ACSF2: variants seen among roughly 807,000 people sequenced by gnomAD.
ACSF2 encodes the protein acyl-CoA synthetase family member 2.
In ACSF2, 52 loss-of-function variants were observed where a neutral mutation model predicts 79.3. The observed-to-expected ratio is 0.66, with a 90% CI of 0.53 to 0.83. The LOEUF (loss-of-function observed/expected upper bound fraction) is 0.83. ACSF2 is among the 40% of genes least tolerant of loss of function. The probability of loss-of-function intolerance (pLI) is 0.00; values close to 1 mark genes in which losing one functional copy is unlikely to be tolerated. For synonymous variants in ACSF2, 283 were observed against 312.6 expected (o/e 0.91, Z 1.00); for missense variants, 661 against 803.3 (o/e 0.82, Z 2.14).
At chr17:50,442,584 G>A (rs1567842612) in intron 1 of ACSF2, among the ~76,000 whole-genome samples, 1 of 151,976 alleles carries the variant, frequency 6.6e-6, no homozygotes, top group South Asian at 2.1e-4. Context: ...TCCTGCCTTA[G>A]CCTCCCAAGT....
chr17:50,465,959 C>G (rs2032682120), intron 10 of ACSF2: 1 of 1,459,738 alleles, frequency 6.9e-7, no homozygotes, highest in Admixed American at 1.7e-5. Flanking sequence ...GGATCCTTCC[C>G]TGAACCTGAG....
chr17:50,444,668 CTT>C (rs2031181736), intron 1 of ACSF2, among the ~76,000 whole-genome samples: 1 of 149,478 alleles, frequency 6.7e-6, no homozygotes. Context: ...CACACACACA[CTT>C]TTGCCACCAT....
intron 1 of ACSF2, among the ~76,000 whole-genome samples, chr17:50,439,437 A>C (rs890312808): frequency 1.3e-5 from 2 of 151,966 alleles, no homozygotes; most frequent in African/African-American, 4.8e-5. Flanking sequence ...TTCATACAGT[A>C]GTATGTGTGT....
At position 50,474,729 on chromosome 17, in the gene ACSF2, C is replaced by G. The variant is rs1385526954; in HGVS notation, c.*177C>G. 1.5e-6 allele frequency: 1 copy of G among 652,944 alleles called. No individual in the cohort carries two copies. The highest frequency in any genetic ancestry group is 2.6e-6 in the Non-Finnish European group (1 of 390,498). The allele number at this position is 652,944 out of a possible 1,614,324, so 40.4% of individuals were successfully genotyped here. Reference sequence around the variant, plus strand: ...ATGGGTCCGGGAACTCGCCTGGGCACAAGGTGCCAAAAGGCAGGCAGCCTG... The same window carrying G: ...ATGGGTCCGGGAACTCGCCTGGGCAGAAGGTGCCAAAAGGCAGGCAGCCTG... On this transcript the variant is annotated 3_prime_UTR_variant, in exon 16 of 16. Coordinates refer to ENST00000300441, the MANE Select transcript of ACSF2 (RefSeq NM_025149.6). This position sits in a 1 kb window ranked among gnomAD's most constrained non-coding sequence, Gnocchi z 4.2.
At chr17:50,438,238 A>G (rs1234307075) in intron 1 of ACSF2, among the ~76,000 whole-genome samples, 2 of 152,208 alleles carry the variant, frequency 1.3e-5, no homozygotes, top group Non-Finnish European at 2.9e-5. Flanking sequence ...GTATCTACAC[A>G]TCACTTCATT....
rs751660840 is a variant in ACSF2 at position 50,474,228 on chromosome 17, C to T, written c.1758C>T (p.Ile586=). 17 of 1,614,220 alleles carry T rather than the reference C, an allele frequency of 1.1e-5. No homozygotes were observed. Among genetic ancestry groups the T allele is most frequent in the Non-Finnish European group, 1.3e-5 (15 of 1,180,042 alleles). The stretch of plus-strand genomic sequence containing the variant: ...CTCACTTCAAGATTCCGAAGTACAT[C>T]GTGTTTGTCACAAACTACCCCCTCA... ...KISHFKIPKY[I]VFVTNYPLTI... Residue 586 remains isoleucine (I), a synonymous_variant, in exon 15 of 16, where the codon ATC becomes ATT. Coordinates refer to ENST00000300441, the MANE Select transcript of ACSF2 (RefSeq NM_025149.6). This position sits in a 1 kb window ranked among gnomAD's most constrained non-coding sequence, Gnocchi z 4.2.
intron 1 of ACSF2, among the ~76,000 whole-genome samples, chr17:50,431,520 A>AATCTC (rs2029923643): frequency 6.6e-6 from 1 of 152,170 alleles, no homozygotes; most frequent in Admixed American, 6.5e-5. Flanking sequence ...ACTTCCGTGA[A>AATCTC]ATCTCACTTG....
chr17:50,463,987 TGCTCCCAGTCTTTTATATAGGGG>T lies in ACSF2; in HGVS notation c.1138+81_1138+103del, dbSNP rs907453849. On this transcript the variant is annotated intron_variant, in intron 9 of 15. Coordinates refer to ENST00000300441, the MANE Select transcript of ACSF2 (RefSeq NM_025149.6). The surrounding 1 kb of genome is among the most constrained non-coding windows in gnomAD (Gnocchi z 4.6). ...AGGAATGGCCCGGGTGAGTTAGCTA[TGCTCCCAGTCTTTTATATAGGGG>T]GCAAGAAGGACGCTGTAAAAATGTG... 5 of 1,212,312 alleles carry T rather than the reference TGCTCCCAGTCTTTTATATAGGGG, an allele frequency of 4.1e-6. No homozygotes were observed. The African/African-American group carries it at 8.1e-5, about 20-fold the overall frequency. The allele number at this position is 1,212,312 out of a possible 1,614,324, so 75.1% of individuals were successfully genotyped here.
At chr17:50,437,605 G>A (rs945188014) in intron 1 of ACSF2, among the ~76,000 whole-genome samples, 43 of 152,030 alleles carry the variant, frequency 2.8e-4, no homozygotes, top group African/African-American at 8.9e-4. Context: ...GCAGTGGGCC[G>A]TGATCACGCC....
intron 10 of ACSF2, among the ~76,000 whole-genome samples, chr17:50,466,723 C>A (rs780567346): frequency 6.6e-6 from 1 of 152,220 alleles, no homozygotes; most frequent in Admixed American, 6.5e-5. Context: ...CTTGGTGGAG[C>A]CTTTGGCCAG....
chr17:50,465,320 G>A, intron 10 of ACSF2: 1 of 1,614,100 alleles, frequency 6.2e-7, no homozygotes, highest in Non-Finnish European at 8.5e-7. Flanking sequence ...AGCTTTCTTG[G>A]ACCTCTTGGT....
At position 50,464,266 on chromosome 17, in the gene ACSF2, T is replaced by A. The variant is rs1567857901; in HGVS notation, c.1187T>A (p.Ile396Asn). 1 of 1,613,976 alleles carries A rather than the reference T, an allele frequency of 6.2e-7. No homozygotes were observed. The highest frequency in any genetic ancestry group is 1.3e-5 in the African/African-American group (1 of 74,876). ...PAPPELIRAIINKINMKDLVV... is the reference protein window; with the variant it reads ...PAPPELIRAINNKINMKDLVV... ...CCTCCAGAGTTGATCCGAGCCATCATCAACAAGATAAATATGAAGGACCTG... is the reference window on the plus strand; with the variant it reads ...CCTCCAGAGTTGATCCGAGCCATCAACAACAAGATAAATATGAAGGACCTG... The change falls in exon 10 of 16, where the codon ATC becomes AAC. Residue 396 changes from isoleucine (I) to asparagine (N), a missense_variant. Coordinates refer to ENST00000300441, the MANE Select transcript of ACSF2 (RefSeq NM_025149.6).
Position 50,461,393 on chromosome 17 carries a change from C to T in ACSF2, c.453+23C>T, listed in dbSNP as rs368439834. 107 of 1,613,462 alleles carry T rather than the reference C, an allele frequency of 6.6e-5. No individual in the cohort carries two copies. In the African/African-American group the frequency reaches 1.2e-3, roughly 19 times the overall value. On this transcript the variant is annotated intron_variant, in intron 3 of 15. Coordinates refer to ENST00000300441, the MANE Select transcript of ACSF2 (RefSeq NM_025149.6). ...CTGGTGAGGAGGGGCTTGCTTGGCA[C>T]AGCTTGGTGTGCATGGGGGAACATC...
chr17:50,457,336 C>A (rs1434659580), intron 1 of ACSF2, among the ~76,000 whole-genome samples: 3 of 152,234 alleles, frequency 2.0e-5, no homozygotes, highest in Non-Finnish European at 4.4e-5. Context: ...CCCAGGGCCC[C>A]CTAGGCTGAG....
At position 50,461,257 on chromosome 17, in the gene ACSF2, T is replaced by A; in HGVS notation, c.340T>A (p.Ser114Thr). ...TTTACACTAGGTGGACAAAGCTGCT[T>A]CTGGCCTCCTGAGCATTGGCCTCTG... ...QLKEEVDKAA[S>T]GLLSIGLCKG... Residue 114 changes from serine (S) to threonine (T), a missense_variant, in exon 3 of 16, where the codon TCT (serine) becomes ACT (threonine). By Grantham distance (58) the Ser-to-Thr change is moderately conservative. Transcript: ENST00000300441. The A allele has an allele frequency of 6.2e-7, 1 of 1,614,198 alleles. No homozygotes were observed. Among genetic ancestry groups the A allele is most frequent in the Non-Finnish European group, 8.5e-7 (1 of 1,180,020 alleles).
chr17:50,449,030 T>TCC (rs1489374010), intron 1 of ACSF2, among the ~76,000 whole-genome samples: 30 of 148,056 alleles, frequency 2.0e-4, no homozygotes, highest in African/African-American at 7.3e-4. Context: ...TTTTTTTTTT[T>TCC]TTTGGAGATG....
chr17:50,451,464 T>C lies in ACSF2; in HGVS notation c.129-9213T>C, dbSNP rs534699140. The stretch of plus-strand genomic sequence containing the variant: ...ATTTTGTTTTTTTATTTTTTATTTT[T>C]TTGAGACAGAGTTTTGCTCTTGTCA... On this transcript the variant is annotated intron_variant, in intron 1 of 15. Coordinates refer to ENST00000300441, the MANE Select transcript of ACSF2 (RefSeq NM_025149.6). Among the ~76,000 whole-genome samples the C allele has an allele frequency of 2.6e-5, 4 of 152,330 alleles. No individual in the cohort carries two copies. In the East Asian group the frequency reaches 7.7e-4, roughly 29 times the overall value.
At chr17:50,456,090 G>A (rs1484966269) in intron 1 of ACSF2, among the ~76,000 whole-genome samples, 2 of 152,194 alleles carry the variant, frequency 1.3e-5, no homozygotes, top group African/African-American at 2.4e-5. Flanking sequence ...CACTACAGCT[G>A]CAGAATGAGC....
At chr17:50,473,352 C>G (rs1015474421) in intron 12 of ACSF2, 2 of 329,110 alleles carry the variant, frequency 6.1e-6, no homozygotes, top group African/African-American at 2.1e-5. Context: ...GGGAGCTTCC[C>G]TTAGATTGAG....
Sources: allele counts gnomAD v4.1 joint callset (sites outside exome capture counted in the v4.1 genomes callset), GRCh38; gene constraint gnomAD v4.1.1; non-coding constraint Gnocchi (gnomAD v3.1); transcripts MANE v1.5; gene names NCBI Gene and HGNC (gene_info 2026-07-23, HGNC 2026-07-21).